PHF21A: variants seen among roughly 807,000 people sequenced by gnomAD.
PHF21A encodes BHC80a.
In PHF21A, 11 loss-of-function variants were observed where a neutral mutation model predicts 82.5. The observed-to-expected ratio is 0.13, with a 90% CI of 0.08 to 0.22. The LOEUF (loss-of-function observed/expected upper bound fraction) is 0.22. Among genes scored for constraint, PHF21A ranks in the 10% least tolerant of loss-of-function variants. The pLI, the probability that PHF21A is intolerant of heterozygous loss-of-function variation, is 1.00. For synonymous variants in PHF21A, 297 were observed against 302.8 expected (o/e 0.98, Z 0.20); for missense variants, 579 against 837.8 (o/e 0.69, Z 3.81).
At chr11:45,952,871 T>C (rs1246698665) in intron 11 of PHF21A, among the ~76,000 whole-genome samples, 3 of 152,266 alleles carry the variant, frequency 2.0e-5, no homozygotes, top group African/African-American at 7.2e-5. Context: ...TAGCTGCTTA[T>C]GCAAAAACAT....
At chr11:46,078,521 G>C (rs10838558) in intron 5 of PHF21A, among the ~76,000 whole-genome samples, 114,442 of 152,082 alleles carry the variant, frequency 0.75, 45,386 homozygotes, top group Non-Finnish European at 0.9. Context: ...TTCAGAAATA[G>C]AGAATAAAAT....
chr11:45,948,776 C>A, intron 14 of PHF21A, 110 bp downstream of exon 14: 1 of 794,862 alleles, frequency 1.3e-6, no homozygotes, highest in Admixed American at 1.9e-5. Flanking sequence ...AAACTATTTT[C>A]AAAGGATAGA....
rs778859417 is a variant in PHF21A, at chr11:46,009,553, C to T, written c.154-29587G>A. 8.5e-4 allele frequency among the ~76,000 whole-genome samples: 130 copies of T among 152,258 alleles called. 1 individual carries two copies. The highest frequency in any genetic ancestry group is 6.8e-3 in the Middle Eastern group (2 of 294). On this transcript the variant is annotated intron_variant, in intron 6 of 18. Coordinates refer to ENST00000676320, the MANE Select transcript of PHF21A (RefSeq NM_001352027.3). The stretch of plus-strand genomic sequence containing the variant: ...TATAAGGCAAGCACAGTTCTAAGCA[C>T]GCTATGTATTACATAATTTAATCTT...
At chr11:46,007,428 C>A (rs2137225908) in intron 6 of PHF21A, among the ~76,000 whole-genome samples, 1 of 151,904 alleles carries the variant, frequency 6.6e-6, no homozygotes, top group East Asian at 1.9e-4. Flanking sequence ...ATTCTCCTGT[C>A]TCAGCCTCCT....
intron 1 of PHF21A, among the ~76,000 whole-genome samples, chr11:46,098,866 G>A (rs772620179): frequency 2.1e-4 from 32 of 152,274 alleles, no homozygotes; most frequent in Middle Eastern, 3.4e-3. Context: ...GAGGATCAAC[G>A]CCCAGCACTG....
At chr11:46,013,915 T>C (rs4237660) in intron 6 of PHF21A, among the ~76,000 whole-genome samples, 76,464 of 152,070 alleles carry the variant, frequency 0.5, 22,624 homozygotes, top group African/African-American at 0.81. Flanking sequence ...GGTTAGTAAA[T>C]GTGAAAGCCT....
At chr11:46,014,723 G>C (rs2095479968) in intron 6 of PHF21A, among the ~76,000 whole-genome samples, 1 of 47,000 alleles carries the variant, frequency 2.1e-5, no homozygotes, top group South Asian at 6.2e-4. Flanking sequence ...GCTCACGCCT[G>C]TAATCCCAGC....
At chr11:46,063,888 G>C (rs2096564854) in intron 6 of PHF21A, among the ~76,000 whole-genome samples, 1 of 152,116 alleles carries the variant, frequency 6.6e-6, no homozygotes, top group African/African-American at 2.4e-5. Context: ...GTTTATAAAT[G>C]TTATAATTAA....
intron 6 of PHF21A, among the ~76,000 whole-genome samples, chr11:46,069,993 G>A (rs912046667): frequency 3.7e-4 from 57 of 152,016 alleles, no homozygotes; most frequent in African/African-American, 1.3e-3. Flanking sequence ...AACATTCCAC[G>A]AATATGGAAA....
intron 7 of PHF21A, among the ~76,000 whole-genome samples, chr11:45,972,111 G>C (rs114582398): frequency 4.3e-4 from 66 of 151,760 alleles, no homozygotes; most frequent in African/African-American, 1.6e-3. Flanking sequence ...AACTGCTGCA[G>C]AAGTGATCAA....
At chr11:46,072,357 A>G (rs2134771678) in intron 6 of PHF21A, among the ~76,000 whole-genome samples, 1 of 152,320 alleles carries the variant, frequency 6.6e-6, no homozygotes. Context: ...CATCCTTAAA[A>G]AATAAAGGGC....
intron 1 of PHF21A, among the ~76,000 whole-genome samples, chr11:46,113,271 A>G (rs1468949463): frequency 1.3e-5 from 2 of 152,190 alleles, no homozygotes; most frequent in African/African-American, 2.4e-5. Flanking sequence ...CAATTTGACT[A>G]TATCTTATTA....
chr11:46,089,043 C>T (rs927947692), intron 3 of PHF21A, among the ~76,000 whole-genome samples: 1 of 29,140 alleles, frequency 3.4e-5, no homozygotes, highest in South Asian at 1.1e-3. Context: ...GTCCATGACA[C>T]AGTGTGCCCC....
intron 6 of PHF21A, among the ~76,000 whole-genome samples, chr11:46,055,655 C>T (rs2096442887): frequency 6.6e-6 from 1 of 152,142 alleles, no homozygotes. Context: ...TACATTACAT[C>T]ATCAAAGGAA....
chr11:45,953,495 A>G (rs1323854412), intron 11 of PHF21A, 32 bp downstream of exon 11: 1 of 1,366,158 alleles, frequency 7.3e-7, no homozygotes, highest in Admixed American at 1.7e-5. Context: ...TACACCATAG[A>G]CTGAGACCTG....
At chr11:46,041,023 C>A (rs545904756) in intron 6 of PHF21A, among the ~76,000 whole-genome samples, 3 of 151,758 alleles carry the variant, frequency 2.0e-5, no homozygotes, top group Admixed American at 6.6e-5. Context: ...TTTGAACATG[C>A]CTCTACAGTA....
intron 6 of PHF21A, among the ~76,000 whole-genome samples, chr11:46,062,588 C>T (rs978664889): frequency 3.3e-5 from 5 of 152,014 alleles, no homozygotes; most frequent in Non-Finnish European, 7.4e-5. Context: ...TGGTCCCTTC[C>T]AATTCTCTTG....
intron 9 of PHF21A, among the ~76,000 whole-genome samples, chr11:45,966,325 G>T (rs192415184): frequency 3.9e-5 from 6 of 152,026 alleles, no homozygotes; most frequent in Admixed American, 3.3e-4. Context: ...CTCTTCCTCC[G>T]ATAATTGCCT....
intron 1 of PHF21A, among the ~76,000 whole-genome samples, chr11:46,111,947 T>G (rs2097219066): frequency 6.6e-6 from 1 of 152,214 alleles, no homozygotes; most frequent in African/African-American, 2.4e-5. Context: ...ACATACACTG[T>G]AACAAAAGGG....
Sources: gnomAD v4.1 joint callset for allele counts (sites outside exome capture counted in the v4.1 genomes callset) on GRCh38, gnomAD v4.1.1 for gene constraint, MANE v1.5 for transcripts, NCBI Gene and HGNC (gene_info 2026-07-23, HGNC 2026-07-21) for gene names.